The following ANKRD1 variants were observed in gnomAD, a reference collection of about 807,000 sequenced individuals.
ANKRD1 encodes ankyrin repeat domain-containing protein 1.
Under a neutral mutation model 40.1 loss-of-function variants are expected in ANKRD1, and 32 were observed. The ratio of observed to expected loss-of-function variants is 0.80; its 90% CI spans 0.60 to 1.07. The LOEUF is 1.07. ANKRD1 is among the 50% of genes least tolerant of loss of function. The pLI is 0.00. For missense variants in ANKRD1, 359 were observed against 386.0 expected, an observed-to-expected ratio of 0.93 and a Z score of 0.59; for synonymous variants, 149 against 141.2, an observed-to-expected ratio of 1.06 and a Z score of -0.39.
rs1847401010 is a variant in ANKRD1 at position 90,918,976 on chromosome 10, A to C, written c.346-4T>G. On this transcript the variant is annotated splice_region_variant and splice_polypyrimidine_tract_variant and intron_variant, in intron 3 of 8. Coordinates refer to ENST00000371697, the MANE Select transcript of ANKRD1 (RefSeq NM_014391.3). ...TAGGCACATCCACAGGTTCCGTCTA[A>C]AGCCAAAATAAATAAATATATATAT... 1 of 1,527,152 alleles carries C rather than the reference A, an allele frequency of 6.5e-7. No homozygotes were observed. Among genetic ancestry groups the C allele is most frequent in the African/African-American group, 1.8e-5 (1 of 54,558 alleles). The allele number at this position is 1,527,152 out of a possible 1,614,324, so 94.6% of individuals were successfully genotyped here.
chr10:90,915,803 T>G lies in ANKRD1; in HGVS notation c.729A>C (p.Ala243=), dbSNP rs1589508798. ...ECAEHLIACE[A]DLNAKDREGD... The stretch of plus-strand genomic sequence containing the variant: ...TCACTCTGTCTTTGGCGTTGAGGTC[T>G]GCCTCACAGGCGATAAGATGCTCCG... Residue 243 remains alanine, a synonymous_variant, in exon 7 of 9, where the codon GCA becomes GCC. Transcript: ENST00000371697. The G allele has an allele frequency of 6.2e-7, 1 of 1,613,880 alleles. No individual in the cohort carries two copies. The highest frequency in any genetic ancestry group is 8.5e-7 in the Non-Finnish European group (1 of 1,179,968).
intron 6 of ANKRD1, 139 bp downstream of exon 6, chr10:90,916,032 A>C (rs1443698011): frequency 1.1e-5 from 5 of 460,532 alleles, no homozygotes; most frequent in South Asian, 6.4e-5. Context: ...CGAGGTTAGG[A>C]GATGGAGGGG....
Position 90,917,768 on chromosome 10 carries a change from T to C in ANKRD1, c.516A>G (p.Leu172=). ...LEGHLAIVEK[L]MEAGAQIEFR... is the part of the protein sequence containing the mutation. ...ATTCGATCTGGGCTCCAGCTTCCATTAACTTCTCCACAATTGCCAAATGTC... is the reference window on the plus strand; with the variant it reads ...ATTCGATCTGGGCTCCAGCTTCCATCAACTTCTCCACAATTGCCAAATGTC... Residue 172 remains leucine, a synonymous_variant, in exon 5 of 9, where the codon TTA becomes TTG. Transcript: ENST00000371697. The C allele has an allele frequency of 6.2e-7, 1 of 1,614,104 alleles. No individual in the cohort carries two copies. Among genetic ancestry groups the C allele is most frequent in the Non-Finnish European group, 8.5e-7 (1 of 1,179,954 alleles).
At position 90,912,645 on chromosome 10, in the gene ANKRD1, G is replaced by A. The variant is rs1189435614; in HGVS notation, c.*221C>T. ...TCATGAAGGTCTGAATATCAGTAGC[G>A]TGGCAGTAAATAAATAAACAGGAAT... On this transcript the variant is annotated 3_prime_UTR_variant, in exon 9 of 9. Transcript: ENST00000371697. The A allele has an allele frequency of 6.2e-6, 3 of 480,556 alleles. No individual in the cohort carries two copies. The highest frequency in any genetic ancestry group is 2.0e-5 in the African/African-American group (1 of 50,642). The allele number at this position is 480,556 out of a possible 1,614,324, so 29.8% of individuals were successfully genotyped here.
rs563335499 is a variant in ANKRD1, at chr10:90,915,911, T to C, written c.652-31A>G. ...AAATTGGAAAACGCTGCTGATTCGC[T>C]AGGAATGAGGACAGAGGCTGTCCCA... On this transcript the variant is annotated intron_variant, in intron 6 of 8. Coordinates refer to ENST00000371697, the MANE Select transcript of ANKRD1 (RefSeq NM_014391.3). The C allele has an allele frequency of 6.3e-5, 101 of 1,603,744 alleles. 3 individuals carry two copies. The South Asian group carries it at 1.1e-3, about 17-fold the overall frequency.
At position 90,918,991 on chromosome 10, in the gene ANKRD1, A is replaced by T. The variant is rs10881854; in HGVS notation, c.346-19T>A. On this transcript the variant is annotated intron_variant, in intron 3 of 8. Coordinates refer to ENST00000371697, the MANE Select transcript of ANKRD1 (RefSeq NM_014391.3). ...GTTCCGTCTAAAGCCAAAATAAATAAATATATATATATATATATATATATA... is the reference window on the plus strand; with the variant it reads ...GTTCCGTCTAAAGCCAAAATAAATATATATATATATATATATATATATATA... 31,126 of 231,224 alleles carry T rather than the reference A, an allele frequency of 0.13. 1,024 individuals are homozygous for T. The highest frequency in any genetic ancestry group is 0.28 in the Admixed American group (1,279 of 4,644). 14.3% of individuals were successfully genotyped at this position (231,224 alleles called of 1,614,324 possible).
chr10:90,915,519 G>A (rs762792228), intron 8 of ANKRD1, 24 bp downstream of exon 8: 2 of 1,598,426 alleles, frequency 1.3e-6, no homozygotes, highest in East Asian at 4.5e-5. Flanking sequence ...CTTGCAAGCG[G>A]TGTTTCTTGT....
rs1326919863 is a variant in ANKRD1 at position 90,920,184 on chromosome 10, T to C, written c.192A>G (p.Lys64=). The C allele has an allele frequency of 6.2e-7, 1 of 1,613,906 alleles. No homozygotes were observed. Among genetic ancestry groups the C allele is most frequent in the South Asian group, 1.1e-5 (1 of 91,068 alleles). The part of the protein sequence containing the change: ...TLGEQQWKSE[K]QREAELKKKK... The stretch of plus-strand genomic sequence containing the variant: ...TGGCTCTCACCTCTGCCTCTCGTTG[T>C]TTCTCGCTTTTCCACTGTTGCTCCC... The change falls in exon 2 of 9, where the codon AAA becomes AAG. Residue 64 remains lysine, a synonymous_variant. Coordinates refer to ENST00000371697, the MANE Select transcript of ANKRD1 (RefSeq NM_014391.3).
chr10:90,919,269 C>G lies in ANKRD1; in HGVS notation c.208-1G>C. 6.2e-7 allele frequency: 1 copy of G among 1,600,830 alleles called. No individual in the cohort carries two copies. Among genetic ancestry groups the G allele is most frequent in the East Asian group, 2.2e-5 (1 of 44,628 alleles). On this transcript the variant is annotated splice_acceptor_variant, in intron 2 of 8. Transcript: ENST00000371697. LOFTEE classifies it high-confidence loss of function. ...TTTGTTCTAGTTTTTTCTTTTTGAG[C>G]TAAAAAAGAAATTCGTATTTCAAAA...
In ANKRD1 at chr10:90,920,464, G is replaced by T. The variant is rs1847425327; in HGVS notation, c.28-116C>A. The T allele has an allele frequency of 1.1e-5, 12 of 1,090,310 alleles. No homozygotes were observed. The South Asian group carries it at 1.3e-4, about 11-fold the overall frequency. The allele number at this position is 1,090,310 out of a possible 1,614,324, so 67.5% of individuals were successfully genotyped here. On this transcript the variant is annotated intron_variant, in intron 1 of 8. Transcript: ENST00000371697. Reference sequence around the variant, plus strand: ...CTCCCCTGGGAACAGCCACCTTTGAGCAGTGCACTCTCAGATCTCAAGCTG... The same window carrying T: ...CTCCCCTGGGAACAGCCACCTTTGATCAGTGCACTCTCAGATCTCAAGCTG...
Position 90,917,721 on chromosome 10 carries a change from A to G in ANKRD1, c.552+11T>C. ...CTTTTGGCTCATTCCCAAGCAAAGAAATATATTTACCATATCACGGAATTC... is the reference window on the plus strand; with the variant it reads ...CTTTTGGCTCATTCCCAAGCAAAGAGATATATTTACCATATCACGGAATTC... On this transcript the variant is annotated intron_variant, in intron 5 of 8. Transcript: ENST00000371697. The G allele has an allele frequency of 6.2e-7, 1 of 1,611,712 alleles. No individual in the cohort carries two copies. Among genetic ancestry groups the G allele is most frequent in the Non-Finnish European group, 8.5e-7 (1 of 1,177,948 alleles).
At chr10:90,919,882 G>T (rs910956479) in intron 2 of ANKRD1, among the ~76,000 whole-genome samples, 1 of 152,194 alleles carries the variant, frequency 6.6e-6, no homozygotes, top group Admixed American at 6.5e-5. Flanking sequence ...CGTTGCTTGG[G>T]ATTAACTACA....
Position 90,920,979 on chromosome 10 carries a change from A to G in ANKRD1, c.27+22T>C, listed in dbSNP as rs1260514693. ...CAAGATGAACCAGTTTTCATTTTAT[A>G]AAATTAATGCATCTTACATACCAGT... On this transcript the variant is annotated intron_variant, in intron 1 of 8. Coordinates refer to ENST00000371697, the MANE Select transcript of ANKRD1 (RefSeq NM_014391.3). The G allele has an allele frequency of 3.7e-6, 6 of 1,610,998 alleles. No individual in the cohort carries two copies. The Admixed American group carries it at 5.0e-5, about 13-fold the overall frequency.
At chr10:90,919,364 TG>T in intron 2 of ANKRD1, 96 bp from the exon 3 acceptor site, 1 of 1,093,146 alleles carries the variant, frequency 9.1e-7, no homozygotes, top group Admixed American at 2.3e-5. Context: ...GAGATAAACA[TG>T]TGAACAGTTT....
rs749389537 is a variant in ANKRD1, at chr10:90,918,985, TAAATAAA to T, written c.346-20_346-14del. On this transcript the variant is annotated splice_polypyrimidine_tract_variant and intron_variant, in intron 3 of 8. Transcript: ENST00000371697. ...CCACAGGTTCCGTCTAAAGCCAAAA[TAAATAAA>T]TATATATATATATATATATATATAG... is the stretch of plus-strand genomic sequence containing the variant. The T allele has an allele frequency of 8.9e-6, 3 of 336,214 alleles. No individual in the cohort carries two copies. Among genetic ancestry groups the T allele is most frequent in the South Asian group, 9.6e-5 (2 of 20,768 alleles). 20.8% of individuals were successfully genotyped at this position (336,214 alleles called of 1,614,324 possible).
At position 90,915,840 on chromosome 10, in the gene ANKRD1, T is replaced by C. The variant is rs1486211072; in HGVS notation, c.692A>G (p.His231Arg). Residue 231 changes from histidine (H) to arginine (R), a missense_variant, in exon 7 of 9, where the codon CAC becomes CGC. Coordinates refer to ENST00000371697, the MANE Select transcript of ANKRD1 (RefSeq NM_014391.3). ...TALHVAVRTG[H>R]YECAEHLIAC... The stretch of plus-strand genomic sequence containing the variant: ...GATAAGATGCTCCGCGCACTCATAG[T>C]GGCCAGTCCTCACCGCCACATGCAG... 8 of 1,613,640 alleles carry C rather than the reference T, an allele frequency of 5.0e-6. No individual in the cohort carries two copies. Among genetic ancestry groups the C allele is most frequent in the Non-Finnish European group, 6.8e-6 (8 of 1,179,966 alleles).
intron 1 of ANKRD1, 101 bp downstream of exon 1, chr10:90,920,900 G>A: frequency 1.8e-6 from 2 of 1,132,250 alleles, no homozygotes; most frequent in East Asian, 2.4e-5. Context: ...CATTTTCAGA[G>A]TTCCCTTGCA....
intron 6 of ANKRD1, 51 bp downstream of exon 6, chr10:90,916,120 G>A (rs534954006): frequency 1.8e-6 from 2 of 1,134,200 alleles, no homozygotes; most frequent in Non-Finnish European, 2.4e-6. Flanking sequence ...GAAGGATGGG[G>A]GACAGGGAGG....
intron 8 of ANKRD1, among the ~76,000 whole-genome samples, chr10:90,913,612 T>TG (rs1847339940): frequency 6.6e-6 from 1 of 152,192 alleles, no homozygotes; most frequent in Non-Finnish European, 1.5e-5. Context: ...GTCTCAAGAT[T>TG]TAAAAATATT....
Sources: gnomAD v4.1 joint callset for allele counts (sites outside exome capture counted in the v4.1 genomes callset) on GRCh38, gnomAD v4.1.1 for gene constraint, MANE v1.5 for transcripts, NCBI Gene and HGNC (gene_info 2026-07-23, HGNC 2026-07-21) for gene names.